Variants in NECAB1 observed in about 807,000 individuals in gnomAD.
The protein encoded by NECAB1 is N-terminal EF-hand calcium binding protein 1, also known as N-terminal EF-hand calcium-binding protein 1.
NECAB1 carries 29 observed loss-of-function variants against 57.5 expected under a neutral mutation model. The ratio of observed to expected loss-of-function variants is 0.50; its 90% CI spans 0.38 to 0.69. The LOEUF (loss-of-function observed/expected upper bound fraction) is 0.69, where lower values mean the gene tolerates loss of function less well. Ranked by LOEUF, NECAB1 falls within the 30% of genes least tolerant of loss-of-function variation. The pLI is 0.00. For synonymous variants in NECAB1, 142 were observed against 147.7 expected, an observed-to-expected ratio of 0.96 and a Z score of 0.28; for missense variants, 372 against 413.8, an observed-to-expected ratio of 0.90 and a Z score of 0.88.
Position 90,844,047 on chromosome 8 carries a change from CT to C in NECAB1, c.233+19231del, listed in dbSNP as rs571052106. On this transcript the variant is annotated intron_variant, in intron 3 of 12. Transcript: ENST00000417640. Reference sequence around the variant, plus strand: ...AGGTGGGTAGAAAAGGAAAATGGAACTTTTTTTTTCCTGTAACTCAATTTCC... The same window carrying C: ...AGGTGGGTAGAAAAGGAAAATGGAACTTTTTTTTCCTGTAACTCAATTTCC... 3.7e-3 allele frequency among the ~76,000 whole-genome samples: 559 copies of C among 151,682 alleles called. 2 individuals are homozygous for C. Among genetic ancestry groups the C allele is most frequent in the African/African-American group, 0.013 (521 of 41,316 alleles).
intron 2 of NECAB1, among the ~76,000 whole-genome samples, chr8:90,811,376 G>A (rs1811958108): frequency 6.6e-6 from 1 of 152,290 alleles, no homozygotes; most frequent in Admixed American, 6.5e-5. Flanking sequence ...AGCCAAATGA[G>A]TGAGAAAACA....
intron 3 of NECAB1, among the ~76,000 whole-genome samples, chr8:90,860,460 A>G (rs775461611): frequency 6.6e-6 from 1 of 152,082 alleles, no homozygotes; most frequent in Non-Finnish European, 1.5e-5. Context: ...TAACAGATGT[A>G]TTTATCAGCT....
At chr8:90,796,698 A>T (rs999348534) in intron 1 of NECAB1, among the ~76,000 whole-genome samples, 3 of 152,202 alleles carry the variant, frequency 2.0e-5, no homozygotes, top group Non-Finnish European at 4.4e-5. Flanking sequence ...ATCCAGTGGT[A>T]GCAACCTTAA....
rs566041015 is a variant in NECAB1 at position 90,869,336 on chromosome 8, G to C, written c.234-2792G>C. ...CACTGGGGCACTGCCTACTAGAGTT[G>C]TGAGAAGAGGGCCATCATCGTCCAG... On this transcript the variant is annotated intron_variant, in intron 3 of 12. Coordinates refer to ENST00000417640, the MANE Select transcript of NECAB1 (RefSeq NM_022351.5). 3.9e-5 allele frequency among the ~76,000 whole-genome samples: 6 copies of C among 152,346 alleles called. No individual in the cohort carries two copies. In the South Asian group the frequency reaches 1.2e-3, roughly 32 times the overall value.
chr8:90,791,952 G>A lies in NECAB1; in HGVS notation c.66G>A (p.Leu22=), dbSNP rs996654302. The part of the protein sequence containing the change: ...NNSSEELSSA[L]HLSKGMSIFL... ...CCTCGGAGGAGCTCAGCTCTGCTCT[G>A]CACCTGTCCAAGGGCATGTCGATCT... The change falls in exon 1 of 13, where the codon CTG becomes CTA. Residue 22 remains leucine, a synonymous_variant. Transcript: ENST00000417640. 1 of 1,552,786 alleles carries A rather than the reference G, an allele frequency of 6.4e-7. No individual in the cohort carries two copies. Among genetic ancestry groups the A allele is most frequent in the Non-Finnish European group, 8.7e-7 (1 of 1,147,602 alleles).
At chr8:90,941,037 C>G in intron 10 of NECAB1, 139 bp downstream of exon 10, 1 of 653,770 alleles carries the variant, frequency 1.5e-6, no homozygotes, top group Non-Finnish European at 2.7e-6. Flanking sequence ...GAGCATTCCA[C>G]CTGGGTGATG....
At chr8:90,888,878 C>T (rs561456835) in intron 5 of NECAB1, among the ~76,000 whole-genome samples, 6 of 152,218 alleles carry the variant, frequency 3.9e-5, no homozygotes, top group South Asian at 4.2e-4. Flanking sequence ...TTCTAACAGC[C>T]GTGCAGGGTT....
chr8:90,842,046 G>A (rs991947933), intron 3 of NECAB1, among the ~76,000 whole-genome samples: 1 of 152,194 alleles, frequency 6.6e-6, no homozygotes, highest in Non-Finnish European at 1.5e-5. Flanking sequence ...GGGTGAGGGT[G>A]AGAGGAGAAA....
In NECAB1 at chr8:90,958,065, G is replaced by T. The variant is rs1811064422; in HGVS notation, c.*2553G>T. On this transcript the variant is annotated 3_prime_UTR_variant, in exon 13 of 13. Transcript: ENST00000417640. ...ACACTTACTTACCTATATATCAGCA[G>T]ATTTTTCTGGAAGAAACCCTTTTTT... 6.8e-6 allele frequency: 1 copy of T among 147,090 alleles called. No individual in the cohort carries two copies. The highest frequency in any genetic ancestry group is 2.5e-5 in the African/African-American group (1 of 39,908). 9.1% of individuals were successfully genotyped at this position (147,090 alleles called of 1,614,324 possible).
chr8:90,843,374 C>T lies in NECAB1; in HGVS notation c.233+18549C>T, dbSNP rs1027215405. The stretch of plus-strand genomic sequence containing the variant: ...CCCCCCATCATATATAAGAGAGTTA[C>T]GAGTAAACATCTCCCCTAGCAAAAG... On this transcript the variant is annotated intron_variant, in intron 3 of 12. Coordinates refer to ENST00000417640, the MANE Select transcript of NECAB1 (RefSeq NM_022351.5). 4.6e-5 allele frequency among the ~76,000 whole-genome samples: 7 copies of T among 152,156 alleles called. No homozygotes were observed. In the East Asian group the frequency reaches 7.7e-4, roughly 17 times the overall value.
intron 2 of NECAB1, among the ~76,000 whole-genome samples, chr8:90,814,882 G>C (rs963094563): frequency 6.6e-6 from 1 of 152,078 alleles, no homozygotes; most frequent in Non-Finnish European, 1.5e-5. Flanking sequence ...TGTCATCATT[G>C]CTTCTAAGCC....
chr8:90,792,906 C>G (rs1396479003), intron 1 of NECAB1, among the ~76,000 whole-genome samples: 3 of 152,100 alleles, frequency 2.0e-5, no homozygotes, highest in African/African-American at 7.2e-5. Flanking sequence ...CTCTCCCAGC[C>G]CCTCAGTTGT....
At chr8:90,951,671 A>G (rs1586153268) in intron 12 of NECAB1, among the ~76,000 whole-genome samples, 3 of 152,170 alleles carry the variant, frequency 2.0e-5, no homozygotes, top group Admixed American at 2.0e-4. Context: ...CTGTGTTGGG[A>G]GCTACAAAGG....
rs371781579 is a variant in NECAB1, at chr8:90,917,507, T to G, written c.373T>G (p.Ser125Ala). ...GKTKKDYQEA[S>A]NLEQFVTRFL... ...TCACCCTTAGGACTACCAAGAAGCC[T>G]CCAATTTGGAACAATTCGTAACTAG... Residue 125 changes from serine (S) to alanine (A), a missense_variant, in exon 6 of 13, where the codon TCC (serine) becomes GCC (alanine). By Grantham distance (99) the Ser-to-Ala change is moderately conservative. Transcript: ENST00000417640. 1.1e-5 allele frequency: 18 copies of G among 1,609,454 alleles called. No homozygotes were observed. The East Asian group carries it at 2.0e-4, about 18-fold the overall frequency.
At chr8:90,910,760 A>G (rs556343463) in intron 5 of NECAB1, among the ~76,000 whole-genome samples, 1 of 152,290 alleles carries the variant, frequency 6.6e-6, no homozygotes, top group South Asian at 2.1e-4. Flanking sequence ...ACTTTTGGAT[A>G]AAATGACTGC....
chr8:90,792,898 C>T (rs1022867542), intron 1 of NECAB1, among the ~76,000 whole-genome samples: 1 of 152,108 alleles, frequency 6.6e-6, no homozygotes, highest in African/African-American at 2.4e-5. Context: ...GCTCCAGGCT[C>T]TCCCAGCCCC....
intron 5 of NECAB1, among the ~76,000 whole-genome samples, chr8:90,903,359 A>G (rs927772979): frequency 1.3e-5 from 2 of 152,060 alleles, no homozygotes; most frequent in African/African-American, 4.8e-5. Context: ...TTTAATTTAA[A>G]ATTTTCATAC....
At chr8:90,851,170 C>A (rs1377154266) in intron 3 of NECAB1, among the ~76,000 whole-genome samples, 3 of 152,218 alleles carry the variant, frequency 2.0e-5, no homozygotes, top group Admixed American at 1.3e-4. Flanking sequence ...GGCATGGAAG[C>A]TCCATGCACC....
At chr8:90,839,639 T>C (rs1430608441) in intron 3 of NECAB1, among the ~76,000 whole-genome samples, 2 of 152,104 alleles carry the variant, frequency 1.3e-5, no homozygotes, top group Non-Finnish European at 2.9e-5. Flanking sequence ...AGAGATGATG[T>C]TTTCAGCCAG....
Sources: gnomAD v4.1 joint callset for allele counts (sites outside exome capture counted in the v4.1 genomes callset) on GRCh38, gnomAD v4.1.1 for gene constraint, MANE v1.5 for transcripts, NCBI Gene and HGNC (gene_info 2026-07-23, HGNC 2026-07-21) for gene names.